Variants in EFTUD2 observed in about 807,000 individuals in gnomAD.
EFTUD2 encodes 116 kDa U5 small nuclear ribonucleoprotein component.
EFTUD2 carries 9 observed loss-of-function variants against 114.3 expected under a neutral mutation model. That is an observed-to-expected ratio of 0.08 (90% CI 0.05 to 0.14). The LOEUF (loss-of-function observed/expected upper bound fraction) is 0.14. Among genes scored for constraint, EFTUD2 ranks in the 10% least tolerant of loss-of-function variants. EFTUD2 has a pLI of 1.00. For synonymous variants in EFTUD2, 449 were observed against 462.3 expected (o/e 0.97, Z 0.37); for missense variants, 765 against 1,241.2 (o/e 0.62, Z 5.76).
chr17:44,887,571 G>A (rs2051197402), intron 2 of EFTUD2, among the ~76,000 whole-genome samples: 1 of 152,102 alleles, frequency 6.6e-6, no homozygotes. Context: ...GAGTAAAGAG[G>A]CCAGACTGAA....
intron 13 of EFTUD2, among the ~76,000 whole-genome samples, chr17:44,867,345 G>C (rs371866194): frequency 1.4e-5 from 2 of 143,642 alleles, no homozygotes; most frequent in South Asian, 4.4e-4. Flanking sequence ...TGTCGCCCAG[G>C]CTGGAGTGCA....
At chr17:44,877,629 A>T (rs1288594634) in intron 9 of EFTUD2, among the ~76,000 whole-genome samples, 1 of 151,972 alleles carries the variant, frequency 6.6e-6, no homozygotes, top group Non-Finnish European at 1.5e-5. Context: ...GACATGGTGA[A>T]ACCCCATTTC....
Position 44,876,873 on chromosome 17 carries a change from A to AAAAAC in EFTUD2, c.703-774_703-773insGTTTT, listed in dbSNP as rs2050965869. ...TCCGTCTCAAAAAAAAAAAAAAAAA[A>AAAAAC]AAAAAAAACTACTCCCCACTATGAG... On this transcript the variant is annotated intron_variant, in intron 9 of 27. Coordinates refer to ENST00000426333, the MANE Select transcript of EFTUD2 (RefSeq NM_004247.4). Among the ~76,000 whole-genome samples the AAAAAC allele has an allele frequency of 2.0e-5, 3 of 150,152 alleles. 1 individual carries two copies. Among genetic ancestry groups the AAAAAC allele is most frequent in the Admixed American group, 1.3e-4 (2 of 15,032 alleles).
chr17:44,861,204 G>A (rs527992384), intron 16 of EFTUD2, among the ~76,000 whole-genome samples: 1 of 152,264 alleles, frequency 6.6e-6, no homozygotes, highest in Non-Finnish European at 1.5e-5. Flanking sequence ...GCTTTGGGAG[G>A]CTGAGGTGGG....
At chr17:44,852,313 A>C in intron 26 of EFTUD2, 96 bp downstream of exon 26, 1 of 1,506,504 alleles carries the variant, frequency 6.6e-7, no homozygotes, top group Non-Finnish European at 9.0e-7. Context: ...AGGATGCTGT[A>C]CACCTCACTT....
chr17:44,853,625 A>G lies in EFTUD2; in HGVS notation c.2358T>C (p.Asn786=). 1 of 1,614,154 alleles carries G rather than the reference A, an allele frequency of 6.2e-7. No individual in the cohort carries two copies. Among genetic ancestry groups the G allele is most frequent in the Non-Finnish European group, 8.5e-7 (1 of 1,180,002 alleles). ...EGPLCDELIR[N]VKFKILDAVV... ...CCGCATCCAGGATCTTAAACTTGAC[A>G]TTCCGAATCACTGTAAAGGAGGTGG... The change falls in exon 24 of 28, where the codon AAT becomes AAC. Residue 786 remains asparagine, a synonymous_variant. Coordinates refer to ENST00000426333, the MANE Select transcript of EFTUD2 (RefSeq NM_004247.4).
chr17:44,850,214 G>A lies in EFTUD2; in HGVS notation c.*1060C>T. 1.4e-6 allele frequency: 1 copy of A among 700,376 alleles called. No individual in the cohort carries two copies. The highest frequency in any genetic ancestry group is 2.4e-6 in the Non-Finnish European group (1 of 415,382). The allele number at this position is 700,376 out of a possible 1,614,324, so 43.4% of individuals were successfully genotyped here. A position where few individuals can be genotyped will look rare whatever the true frequency, so the allele number is the denominator to read the frequency against. ...CTGTTGGGACCTGGGGCAGAAAGAT[G>A]AGCGGGAAGCTGGACTCTCAAGGGA... On this transcript the variant is annotated 3_prime_UTR_variant, in exon 28 of 28. Coordinates refer to ENST00000426333, the MANE Select transcript of EFTUD2 (RefSeq NM_004247.4).
rs201620556 is a variant in EFTUD2 at position 44,853,394 on chromosome 17, C to A, written c.2467-4G>T. The A allele has an allele frequency of 7.7e-5, 124 of 1,614,142 alleles. No homozygotes were observed. Among genetic ancestry groups the A allele is most frequent in the Non-Finnish European group, 9.9e-5 (117 of 1,179,990 alleles). On this transcript the variant is annotated splice_polypyrimidine_tract_variant and splice_region_variant and intron_variant, in intron 24 of 27. Coordinates refer to ENST00000426333, the MANE Select transcript of EFTUD2 (RefSeq NM_004247.4). ...GCTCCATCAGACGAGGAGTAGCCTGCAGCAGAGCAAGAAGAAAGGCCCCTC... is the reference window on the plus strand; with the variant it reads ...GCTCCATCAGACGAGGAGTAGCCTGAAGCAGAGCAAGAAGAAAGGCCCCTC...
rs770812734 is a variant in EFTUD2 at position 44,886,675 on chromosome 17, C to T, written c.181G>A (p.Glu61Lys). ...DHPGMEVVLH[E>K]DKKYYPTAEE... ...GCTGTTGGGTAGTACTTCTTGTCCT[C>T]ATGCAGCACCACCTCCATCCCAGGG... The change falls in exon 3 of 28, where the codon GAG becomes AAG. Residue 61 changes from glutamate (E) to lysine (K), a missense_variant. By Grantham distance (56) the Glu-to-Lys change is moderately conservative. Transcript: ENST00000426333. 1 of 1,614,192 alleles carries T rather than the reference C, an allele frequency of 6.2e-7. No individual in the cohort carries two copies. Among genetic ancestry groups the T allele is most frequent in the Non-Finnish European group, 8.5e-7 (1 of 1,180,034 alleles).
chr17:44,883,941 G>A (rs920004557), intron 4 of EFTUD2: 21 of 558,664 alleles, frequency 3.8e-5, no homozygotes, highest in African/African-American at 7.5e-5. Context: ...GGACTATCAC[G>A]GGGATTTCAA....
At chr17:44,894,817 C>T (rs1392518256) in intron 1 of EFTUD2, among the ~76,000 whole-genome samples, 2 of 152,166 alleles carry the variant, frequency 1.3e-5, no homozygotes, top group East Asian at 1.9e-4. Flanking sequence ...GAAGAAGCTC[C>T]GCCGTACAGA....
In EFTUD2 at chr17:44,885,247, G is replaced by T. The variant is rs773334785; in HGVS notation, c.350+9C>A. ...TCCTGCAGAGAAGCTGAGAAACCTTGTAACTTACTCCATCTCATACACCGT... is the reference window on the plus strand; with the variant it reads ...TCCTGCAGAGAAGCTGAGAAACCTTTTAACTTACTCCATCTCATACACCGT... On this transcript the variant is annotated intron_variant, in intron 4 of 27. Coordinates refer to ENST00000426333, the MANE Select transcript of EFTUD2 (RefSeq NM_004247.4). The T allele has an allele frequency of 1.9e-6, 3 of 1,609,592 alleles. No individual in the cohort carries two copies. Among genetic ancestry groups the T allele is most frequent in the South Asian group, 2.2e-5 (2 of 90,608 alleles).
intron 2 of EFTUD2, among the ~76,000 whole-genome samples, chr17:44,890,084 T>A (rs187140915): frequency 6.6e-6 from 1 of 152,178 alleles, no homozygotes; most frequent in Non-Finnish European, 1.5e-5. Flanking sequence ...CTCAGCTCAC[T>A]GCAACCTCTG....
At chr17:44,857,894 G>A (rs2050584825) in intron 19 of EFTUD2, among the ~76,000 whole-genome samples, 1 of 150,834 alleles carries the variant, frequency 6.6e-6, no homozygotes, top group African/African-American at 2.4e-5. Flanking sequence ...AATAACTTTG[G>A]CTTGGGAGCC....
intron 6 of EFTUD2, among the ~76,000 whole-genome samples, chr17:44,882,407 G>A (rs1051905706): frequency 6.6e-6 from 1 of 151,570 alleles, no homozygotes; most frequent in Non-Finnish European, 1.5e-5. Flanking sequence ...GTGCACCACC[G>A]TGCCCACCCA....
At chr17:44,863,953 T>C (rs1191156798) in intron 14 of EFTUD2, 171 bp from the exon 15 acceptor site, 20 of 854,294 alleles carry the variant, frequency 2.3e-5, no homozygotes, top group Non-Finnish European at 3.4e-5. Context: ...AATGTGCTGC[T>C]AGAAGATTTG....
chr17:44,853,436 G>C (rs748394151), intron 24 of EFTUD2, 46 bp from the exon 25 acceptor site: 1 of 1,612,678 alleles, frequency 6.2e-7, no homozygotes, highest in Non-Finnish European at 8.5e-7. Flanking sequence ...GGGAAGGCTG[G>C]GGGCCTATAG....
chr17:44,895,537 T>C (rs1177623179), intron 1 of EFTUD2, among the ~76,000 whole-genome samples: 1 of 150,374 alleles, frequency 6.7e-6, no homozygotes, highest in Non-Finnish European at 1.5e-5. Flanking sequence ...AAAACAGCCA[T>C]GCATATTCAT....
Position 44,853,575 on chromosome 17 carries a change from C to T in EFTUD2, c.2408G>A (p.Arg803Gln), listed in dbSNP as rs2050494206. 1.9e-6 allele frequency: 3 copies of T among 1,614,052 alleles called. No individual in the cohort carries two copies. Among genetic ancestry groups the T allele is most frequent in the Admixed American group, 1.7e-5 (1 of 60,004 alleles). The change falls in exon 24 of 28, where the codon CGG becomes CAG. Residue 803 changes from arginine (R) to glutamine (Q), a missense_variant. This residue lies in a region of EFTUD2 where 166 missense variants were observed against 401.5 expected (regional missense o/e 0.41). Coordinates refer to ENST00000426333, the MANE Select transcript of EFTUD2 (RefSeq NM_004247.4). The stretch of plus-strand genomic sequence containing the variant: ...TGTGGGGATGATCTGGCCCCCGCCC[C>T]GGTGCAGGGGCTCCTGGGCAACCAC... ...DAVVAQEPLH[R>Q]GGGQIIPTAR... is the part of the protein sequence containing the mutation.
Sources: allele counts gnomAD v4.1 joint callset (sites outside exome capture counted in the v4.1 genomes callset), GRCh38; gene constraint gnomAD v4.1.1; regional missense constraint gnomAD v4.1.1; transcripts MANE v1.5; gene names NCBI Gene and HGNC (gene_info 2026-07-23, HGNC 2026-07-21).